The following CTNNA3 variants were observed in gnomAD, a reference collection of about 807,000 sequenced individuals.
CTNNA3 encodes the protein catenin alpha 3, also known as catenin alpha-3.
Under a neutral mutation model 95.7 loss-of-function variants are expected in CTNNA3, and 76 were observed. The observed-to-expected ratio is 0.79, with a 90% CI of 0.66 to 0.96. The LOEUF is 0.96. Ranked by LOEUF, CTNNA3 falls within the 40% of genes least tolerant of loss-of-function variation. The probability of loss-of-function intolerance (pLI) is 0.00; values close to 1 mark genes in which losing one functional copy is unlikely to be tolerated. For synonymous variants in CTNNA3, 431 were observed against 374.4 expected (o/e 1.15, Z -1.74); for missense variants, 1,191 against 1,089.8 (o/e 1.09, Z -1.31).
intron 9 of CTNNA3, among the ~76,000 whole-genome samples, chr10:66,654,812 G>T (rs1846022470): frequency 6.6e-6 from 1 of 152,074 alleles, no homozygotes; most frequent in South Asian, 2.1e-4. Flanking sequence ...AGATGACATG[G>T]ATCCACCTGA....
At chr10:67,199,570 C>T (rs548590124) in intron 6 of CTNNA3, among the ~76,000 whole-genome samples, 4 of 152,016 alleles carry the variant, frequency 2.6e-5, no homozygotes, top group African/African-American at 7.2e-5. Context: ...AGGGTTTCAC[C>T]GTGTTAGCCA....
chr10:66,397,689 G>T (rs1294694875), intron 11 of CTNNA3, among the ~76,000 whole-genome samples: 1 of 151,708 alleles, frequency 6.6e-6, no homozygotes, highest in Non-Finnish European at 1.5e-5. Context: ...CTAAAGAAAT[G>T]ACTCCAAGGA....
At chr10:67,007,676 T>C (rs1328215128) in intron 7 of CTNNA3, among the ~76,000 whole-genome samples, 1 of 151,924 alleles carries the variant, frequency 6.6e-6, no homozygotes, top group Admixed American at 6.6e-5. Flanking sequence ...CACTCAACAT[T>C]TCCCACCATT....
chr10:67,130,773 G>C (rs796523985), intron 7 of CTNNA3, among the ~76,000 whole-genome samples: 6 of 152,150 alleles, frequency 3.9e-5, no homozygotes, highest in African/African-American at 1.4e-4. Flanking sequence ...CCTGGAACCT[G>C]TCCCACAGCA....
chr10:67,494,588 T>C (rs1399708363), intron 5 of CTNNA3, among the ~76,000 whole-genome samples: 2 of 152,168 alleles, frequency 1.3e-5, no homozygotes, highest in Non-Finnish European at 2.9e-5. Context: ...TGGAGGCTAT[T>C]TGGACCTGCA....
intron 5 of CTNNA3, among the ~76,000 whole-genome samples, chr10:67,317,387 C>T (rs1217703048): frequency 2.7e-5 from 4 of 149,614 alleles, no homozygotes; most frequent in African/African-American, 9.8e-5. Flanking sequence ...AACAGTCCCC[C>T]GTGTGTGATG....
intron 4 of CTNNA3, among the ~76,000 whole-genome samples, chr10:67,524,329 C>G (rs529951388): frequency 3.5e-5 from 5 of 142,100 alleles, no homozygotes; most frequent in Non-Finnish European, 7.5e-5. Context: ...ACCCGGCAGG[C>G]GGAGCTTGCA....
intron 12 of CTNNA3, among the ~76,000 whole-genome samples, chr10:66,341,566 C>A (rs1253049032): frequency 6.6e-6 from 1 of 151,840 alleles, no homozygotes; most frequent in African/African-American, 2.4e-5. Flanking sequence ...TTAAAGTTGG[C>A]AGAAATAATG....
intron 13 of CTNNA3, among the ~76,000 whole-genome samples, chr10:66,278,717 C>T (rs2091442729): frequency 6.6e-6 from 1 of 151,992 alleles, no homozygotes; most frequent in African/African-American, 2.4e-5. Context: ...AAATGCATTC[C>T]GTACCCTGGT....
chr10:66,086,784 C>T (rs958623987), intron 14 of CTNNA3, among the ~76,000 whole-genome samples: 5 of 152,162 alleles, frequency 3.3e-5, no homozygotes, highest in African/African-American at 9.6e-5. Context: ...ACTTGGCAAT[C>T]TCTTGGAAGA....
chr10:66,056,134 A>G (rs1027021754), intron 15 of CTNNA3, among the ~76,000 whole-genome samples: 2 of 152,052 alleles, frequency 1.3e-5, no homozygotes, highest in African/African-American at 4.8e-5. Flanking sequence ...GGTTTTCCCC[A>G]TTCAGTGTGA....
intron 10 of CTNNA3, among the ~76,000 whole-genome samples, chr10:66,613,147 G>A (rs1215898177): frequency 4.6e-5 from 7 of 152,080 alleles, no homozygotes; most frequent in African/African-American, 1.7e-4. Context: ...TGGCCTGCAT[G>A]TGAAACTATG....
At chr10:67,457,938 G>C (rs57002127) in intron 5 of CTNNA3, among the ~76,000 whole-genome samples, 1 of 152,030 alleles carries the variant, frequency 6.6e-6, no homozygotes, top group Admixed American at 6.6e-5. Flanking sequence ...AATTCCCTCC[G>C]CCATCCTAAT....
chr10:66,329,695 G>A (rs1589095981), intron 12 of CTNNA3, among the ~76,000 whole-genome samples: 1 of 151,994 alleles, frequency 6.6e-6, no homozygotes, highest in Non-Finnish European at 1.5e-5. Context: ...AGCTGGACGA[G>A]AAAAATTTAA....
At chr10:67,653,923 T>G (rs531775265) in intron 1 of CTNNA3, among the ~76,000 whole-genome samples, 2 of 152,304 alleles carry the variant, frequency 1.3e-5, no homozygotes, top group East Asian at 3.9e-4. Flanking sequence ...GTGCCTATGT[T>G]GGCCTCTTCG....
At chr10:66,847,432 C>T (rs1199783255) in intron 7 of CTNNA3, among the ~76,000 whole-genome samples, 3 of 152,064 alleles carry the variant, frequency 2.0e-5, no homozygotes, top group Non-Finnish European at 4.4e-5. Context: ...ACTCAATGAC[C>T]ATCTACTATC....
In CTNNA3 at chr10:66,411,638, C is replaced by A. The variant is rs139776470; in HGVS notation, c.1532-32286G>T. Among the ~76,000 whole-genome samples the A allele has an allele frequency of 3.3e-3, 508 of 152,138 alleles. 1 individual carries two copies. The highest frequency in any genetic ancestry group is 0.012 in the African/African-American group (487 of 41,530). ...CAAAGTTCCTAAGCAAGAGAGTCTA[C>A]ATTTTATTAAAAATAAATGATGACA... is the stretch of plus-strand genomic sequence containing the variant. On this transcript the variant is annotated intron_variant, in intron 11 of 17. Transcript: ENST00000433211.
chr10:67,728,566 C>G, intron 1 of CTNNA3, among the ~76,000 whole-genome samples: 1 of 151,604 alleles, frequency 6.6e-6, no homozygotes, highest in East Asian at 1.9e-4. Flanking sequence ...TCAAGCGATT[C>G]CAGGTGATGT....
intron 5 of CTNNA3, among the ~76,000 whole-genome samples, chr10:67,387,266 G>A (rs1366354348): frequency 6.6e-6 from 1 of 152,180 alleles, no homozygotes; most frequent in African/African-American, 2.4e-5. Flanking sequence ...GGGTCAGGGA[G>A]TTCCCTTTCC....
Sources: allele counts gnomAD v4.1 joint callset (sites outside exome capture counted in the v4.1 genomes callset), GRCh38; gene constraint gnomAD v4.1.1; transcripts MANE v1.5; gene names NCBI Gene and HGNC (gene_info 2026-07-23, HGNC 2026-07-21).